TMEM117: variants seen among roughly 807,000 people sequenced by gnomAD.
TMEM117 encodes the protein transmembrane protein 117.
A neutral mutation model predicts 52.4 loss-of-function variants in TMEM117; 27 were observed. The ratio of observed to expected loss-of-function variants is 0.51; its 90% CI spans 0.38 to 0.71. The LOEUF (loss-of-function observed/expected upper bound fraction) is 0.71, where lower values mean the gene tolerates loss of function less well. TMEM117 is among the 30% of genes least tolerant of loss of function. The pLI is 0.00. For missense variants in TMEM117, 556 were observed against 630.5 expected (o/e 0.88, Z 1.26); for synonymous variants, 215 against 206.3 (o/e 1.04, Z -0.36).
chr12:44,356,517 A>G (rs1025404302), intron 6 of TMEM117, among the ~76,000 whole-genome samples: 3 of 151,998 alleles, frequency 2.0e-5, no homozygotes, highest in African/African-American at 7.2e-5. Flanking sequence ...TTTATTTCCA[A>G]CTTTGACAAG....
intron 2 of TMEM117, among the ~76,000 whole-genome samples, chr12:43,852,357 G>A (rs1246341061): frequency 6.6e-6 from 1 of 152,190 alleles, no homozygotes; most frequent in East Asian, 1.9e-4. Context: ...CGTGAACCCG[G>A]GAGGCAGAGC....
At chr12:43,798,053 T>C in the TMEM117 span, among the ~76,000 whole-genome samples, 2 of 152,060 alleles carry the variant, frequency 1.3e-5, no homozygotes. Flanking sequence ...TTTGAATGAG[T>C]GTACAGTTAG....
Position 43,915,147 on chromosome 12 carries a change from C to T in TMEM117, c.278-29063C>T, listed in dbSNP as rs865861349. On this transcript the variant is annotated intron_variant, in intron 2 of 7. Coordinates refer to ENST00000266534, the MANE Select transcript of TMEM117 (RefSeq NM_032256.3). ...TAGTTCTTTCCAGGCATACAGACATCCAGGTTCTCAAAGTCTAGGTCTTAC... is the reference window on the plus strand; with the variant it reads ...TAGTTCTTTCCAGGCATACAGACATTCAGGTTCTCAAAGTCTAGGTCTTAC... Among the ~76,000 whole-genome samples the T allele has an allele frequency of 5.9e-5, 9 of 152,314 alleles. No homozygotes were observed. The South Asian group carries it at 1.9e-3, about 32-fold the overall frequency.
intron 6 of TMEM117, among the ~76,000 whole-genome samples, chr12:44,311,501 GAGAAGCTCA>G (rs1329384141): frequency 6.6e-6 from 1 of 150,390 alleles, no homozygotes; most frequent in Non-Finnish European, 1.5e-5. Flanking sequence ...ATGCAAACTG[GAGAAGCTCA>G]GGAACCTAGG....
chr12:43,850,159 G>A (rs1189416513), intron 2 of TMEM117, among the ~76,000 whole-genome samples: 1 of 152,108 alleles, frequency 6.6e-6, no homozygotes, highest in Non-Finnish European at 1.5e-5. Flanking sequence ...CTCGGTACCT[G>A]TGAGATGATG....
At chr12:44,268,698 G>T (rs909486567) in intron 5 of TMEM117, among the ~76,000 whole-genome samples, 2 of 152,030 alleles carry the variant, frequency 1.3e-5, no homozygotes, top group African/African-American at 2.4e-5. Context: ...AAACTAGTAG[G>T]TGTATGCAAA....
chr12:44,153,260 G>A (rs1332451007), intron 4 of TMEM117, among the ~76,000 whole-genome samples: 1 of 151,962 alleles, frequency 6.6e-6, no homozygotes, highest in Non-Finnish European at 1.5e-5. Context: ...CAGTATGAAT[G>A]GCAGAACTTG....
At chr12:44,195,505 G>A (rs1322427345) in intron 4 of TMEM117, among the ~76,000 whole-genome samples, 1 of 152,028 alleles carries the variant, frequency 6.6e-6, no homozygotes, top group Non-Finnish European at 1.5e-5. Context: ...AGAGCCATAG[G>A]AGGTCATTCT....
intron 5 of TMEM117, among the ~76,000 whole-genome samples, chr12:44,218,162 T>C (rs141956269): frequency 2.2e-4 from 34 of 151,962 alleles, no homozygotes; most frequent in African/African-American, 8.2e-4. Flanking sequence ...AGGCAGAGGT[T>C]GCAGTGAGCC....
chr12:44,213,639 G>T (rs1369169606), intron 5 of TMEM117, among the ~76,000 whole-genome samples: 1 of 152,156 alleles, frequency 6.6e-6, no homozygotes, highest in African/African-American at 2.4e-5. Flanking sequence ...ATTGAATCAT[G>T]GGGGCGGTCA....
At chr12:43,899,639 T>A (rs1944271945) in intron 2 of TMEM117, among the ~76,000 whole-genome samples, 1 of 151,592 alleles carries the variant, frequency 6.6e-6, no homozygotes, top group South Asian at 2.1e-4. Context: ...AAATTTTTAT[T>A]TTTTTCAAAT....
intron 5 of TMEM117, among the ~76,000 whole-genome samples, chr12:44,236,183 T>TAGAG (rs1463206260): frequency 2.0e-5 from 3 of 148,986 alleles, no homozygotes; most frequent in African/African-American, 5.1e-5. Context: ...TATATATATA[T>TAGAG]ATATAGAGAG....
intron 4 of TMEM117, among the ~76,000 whole-genome samples, chr12:44,201,184 T>C (rs1313591165): frequency 6.6e-6 from 1 of 151,928 alleles, no homozygotes; most frequent in East Asian, 1.9e-4. Flanking sequence ...TGTGAGACAA[T>C]AGAAGATGAA....
chr12:44,356,166 C>A (rs1042164651), intron 6 of TMEM117, among the ~76,000 whole-genome samples: 4 of 152,102 alleles, frequency 2.6e-5, no homozygotes, highest in African/African-American at 9.7e-5. Flanking sequence ...CCTTAAAGTA[C>A]TTTTCCTCAG....
At chr12:44,274,630 A>G (rs1440348802) in intron 5 of TMEM117, among the ~76,000 whole-genome samples, 3 of 152,172 alleles carry the variant, frequency 2.0e-5, no homozygotes, top group African/African-American at 4.8e-5. Flanking sequence ...AACAGAATAG[A>G]GAACCCAGAA....
At chr12:44,188,633 A>G (rs1949310239) in intron 4 of TMEM117, among the ~76,000 whole-genome samples, 1 of 151,992 alleles carries the variant, frequency 6.6e-6, no homozygotes, top group Non-Finnish European at 1.5e-5. Context: ...CCTGCTGTCC[A>G]TTTTGCTCAA....
intron 3 of TMEM117, among the ~76,000 whole-genome samples, chr12:44,121,379 C>T (rs1349415644): frequency 6.6e-6 from 1 of 152,054 alleles, no homozygotes; most frequent in Non-Finnish European, 1.5e-5. Context: ...AAACTTTATC[C>T]CACCTGTGCC....
At chr12:44,127,789 A>G (rs1948350620) in intron 3 of TMEM117, among the ~76,000 whole-genome samples, 1 of 152,214 alleles carries the variant, frequency 6.6e-6, no homozygotes, top group Non-Finnish European at 1.5e-5. Context: ...GAAAGAAGAA[A>G]TTCTTCCTGA....
intron 5 of TMEM117, among the ~76,000 whole-genome samples, chr12:44,264,255 G>A (rs1366068801): frequency 1.3e-5 from 2 of 152,126 alleles, no homozygotes; most frequent in South Asian, 2.1e-4. Flanking sequence ...AAATTCAAAA[G>A]CCATTTCTCA....
Sources: allele counts gnomAD v4.1 joint callset (sites outside exome capture counted in the v4.1 genomes callset), GRCh38; gene constraint gnomAD v4.1.1; transcripts MANE v1.5; gene names NCBI Gene and HGNC (gene_info 2026-07-23, HGNC 2026-07-21).